The following ARHGEF28 variants were observed in gnomAD, a reference collection of about 807,000 sequenced individuals.
ARHGEF28 encodes the protein 190 kDa guanine nucleotide exchange factor.
In ARHGEF28, 152 loss-of-function variants were observed where a neutral mutation model predicts 206.6. The ratio of observed to expected loss-of-function variants is 0.74; its 90% confidence interval spans 0.64 to 0.84. The LOEUF is 0.84. Ranked by LOEUF, ARHGEF28 falls within the 40% of genes least tolerant of loss-of-function variation. ARHGEF28 has a pLI of 0.00. For synonymous variants in ARHGEF28, 763 were observed against 776.4 expected, an observed-to-expected ratio of 0.98 and a Z score of 0.29; for missense variants, 2,028 against 2,073.2, an observed-to-expected ratio of 0.98 and a Z score of 0.42.
intron 4 of ARHGEF28, among the ~76,000 whole-genome samples, chr5:73,772,802 T>C (rs1182203239): frequency 6.6e-6 from 1 of 152,230 alleles, no homozygotes; most frequent in African/African-American, 2.4e-5. Context: ...AAACTGCCTT[T>C]TATTGGTTTC....
chr5:73,768,082 G>A (rs1753006236), intron 4 of ARHGEF28, among the ~76,000 whole-genome samples: 1 of 152,204 alleles, frequency 6.6e-6, no homozygotes, highest in Non-Finnish European at 1.5e-5. Context: ...AAGAATTGAG[G>A]TTTGGGAACC....
intron 22 of ARHGEF28, among the ~76,000 whole-genome samples, chr5:73,877,438 T>C (rs368297180): frequency 2.7e-5 from 4 of 146,444 alleles, no homozygotes; most frequent in Non-Finnish European, 4.5e-5. Flanking sequence ...CTGCTCTGAT[T>C]TTAGTTATTT....
At chr5:73,819,685 T>C (rs76311451) in intron 9 of ARHGEF28, among the ~76,000 whole-genome samples, 4 of 152,172 alleles carry the variant, frequency 2.6e-5, no homozygotes, top group Non-Finnish European at 5.9e-5. Flanking sequence ...GGGCCCTTGT[T>C]GTTGCCCAGG....
chr5:73,881,017 A>T (rs1580039139), intron 22 of ARHGEF28, among the ~76,000 whole-genome samples: 1 of 145,010 alleles, frequency 6.9e-6, no homozygotes. Context: ...AGGTTATGAG[A>T]CTTAGTAGGT....
At chr5:73,809,239 G>A (rs1330776972) in intron 9 of ARHGEF28, among the ~76,000 whole-genome samples, 1 of 150,650 alleles carries the variant, frequency 6.6e-6, no homozygotes, top group African/African-American at 2.5e-5. Flanking sequence ...CTGTTTCAGT[G>A]TCTATAACAG....
intron 9 of ARHGEF28, among the ~76,000 whole-genome samples, chr5:73,816,008 C>G (rs935361275): frequency 3.3e-5 from 5 of 152,036 alleles, no homozygotes; most frequent in African/African-American, 1.2e-4. Flanking sequence ...GGACAGAGTC[C>G]CAGCATCACA....
chr5:73,792,428 A>T (rs1167943565), intron 7 of ARHGEF28, among the ~76,000 whole-genome samples: 1 of 152,210 alleles, frequency 6.6e-6, no homozygotes, highest in Non-Finnish European at 1.5e-5. Context: ...TGCCTTTTCC[A>T]TTAGCAATCT....
chr5:73,700,438 G>T (rs192331666), intron 2 of ARHGEF28, among the ~76,000 whole-genome samples: 2 of 152,246 alleles, frequency 1.3e-5, no homozygotes, highest in Admixed American at 1.3e-4. Context: ...AAGAATTTGT[G>T]AGTCTAGCAG....
intron 35 of ARHGEF28, among the ~76,000 whole-genome samples, chr5:73,933,609 T>C (rs1441485556): frequency 6.6e-6 from 1 of 152,222 alleles, no homozygotes; most frequent in Non-Finnish European, 1.5e-5. Context: ...GCCTATAGAC[T>C]TTTAAAATGT....
At chr5:73,818,939 A>G (rs1307085581) in intron 9 of ARHGEF28, among the ~76,000 whole-genome samples, 2 of 152,184 alleles carry the variant, frequency 1.3e-5, no homozygotes, top group Admixed American at 1.3e-4. Context: ...CTGATACATT[A>G]ATTACGTAAG....
chr5:73,731,350 T>C (rs1439136624), intron 2 of ARHGEF28, among the ~76,000 whole-genome samples: 1 of 152,200 alleles, frequency 6.6e-6, no homozygotes, highest in Non-Finnish European at 1.5e-5. Context: ...GTTAGACATA[T>C]ACCTTGAAAA....
intron 2 of ARHGEF28, among the ~76,000 whole-genome samples, chr5:73,717,959 A>T (rs934020235): frequency 1.3e-5 from 2 of 152,116 alleles, no homozygotes; most frequent in African/African-American, 2.4e-5. Context: ...GCTCACTGCA[A>T]TCTCTGCCTC....
At chr5:73,729,233 TTA>T (rs1249495878) in intron 2 of ARHGEF28, among the ~76,000 whole-genome samples, 1 of 152,166 alleles carries the variant, frequency 6.6e-6, no homozygotes, top group African/African-American at 2.4e-5. Flanking sequence ...CAAATGAGGA[TTA>T]TAATAGACAC....
chr5:73,696,013 A>T (rs17633848), intron 2 of ARHGEF28, among the ~76,000 whole-genome samples: 21,091 of 152,136 alleles, frequency 0.14, 1,935 homozygotes, highest in Non-Finnish European at 0.2. Context: ...TATGTTGGTT[A>T]TGACCTTGGA....
At position 73,776,627 on chromosome 5, in the gene ARHGEF28, C is replaced by T. The variant is rs372020476; in HGVS notation, c.771C>T (p.Ala257=). 100 of 1,613,722 alleles carry T rather than the reference C, an allele frequency of 6.2e-5. No homozygotes were observed. The African/African-American group carries it at 1.0e-3, about 16-fold the overall frequency. The part of the protein sequence containing the change: ...ETLTLTLNHT[A]EHLLEADIKL... ...TGACCCTGACCCTGAACCACACAGCCGAGCATTTGTTGGAGGCAGATATTA... is the reference window on the plus strand; with the variant it reads ...TGACCCTGACCCTGAACCACACAGCTGAGCATTTGTTGGAGGCAGATATTA... Residue 257 remains alanine (A), a synonymous_variant, in exon 6 of 36, where the codon GCC becomes GCT. Transcript: ENST00000513042.
chr5:73,880,397 C>T (rs953485046), intron 22 of ARHGEF28, among the ~76,000 whole-genome samples: 6 of 152,182 alleles, frequency 3.9e-5, no homozygotes, highest in African/African-American at 7.2e-5. Flanking sequence ...GGCAATGCCT[C>T]GCCCTGCTTC....
At chr5:73,769,663 G>C (rs114566888) in intron 4 of ARHGEF28, among the ~76,000 whole-genome samples, 3,314 of 152,240 alleles carry the variant, frequency 0.022, 108 homozygotes, top group African/African-American at 0.077. Context: ...TTTATAGGTA[G>C]GAATGGAATT....
Position 73,909,873 on chromosome 5 carries a change from G to A in ARHGEF28, c.4623G>A (p.Ala1541=), listed in dbSNP as rs552374178. The A allele has an allele frequency of 9.9e-5, 151 of 1,520,696 alleles. No individual in the cohort carries two copies. In the Middle Eastern group the frequency reaches 1.1e-3, roughly 11 times the overall value. The allele number at this position is 1,520,696 out of a possible 1,614,324, so 94.2% of individuals were successfully genotyped here. ...ACGGCCGGCAGAGGAGCCTGCCCGC[G>A]GTGCTCCTTCCGGGTGGCCCCGAGG... is the stretch of plus-strand genomic sequence containing the variant. ...WKHGRQRSLP[A]VLLPGGPEVM... is the part of the protein sequence containing the mutation. The change falls in exon 34 of 36, where the codon GCG becomes GCA. Residue 1541 remains alanine, a synonymous_variant. Coordinates refer to ENST00000513042, the MANE Select transcript of ARHGEF28 (RefSeq NM_001177693.2).
chr5:73,651,882 G>A (rs1030447315), intron 1 of ARHGEF28, among the ~76,000 whole-genome samples: 2 of 152,186 alleles, frequency 1.3e-5, no homozygotes, highest in Non-Finnish European at 2.9e-5. Flanking sequence ...TCAATGGCAA[G>A]TCTGAGTCAG....
Sources: gnomAD v4.1 joint callset for allele counts (sites outside exome capture counted in the v4.1 genomes callset) on GRCh38, gnomAD v4.1.1 for gene constraint, MANE v1.5 for transcripts, NCBI Gene and HGNC (gene_info 2026-07-23, HGNC 2026-07-21) for gene names.